ABCC1: variants seen among roughly 807,000 people sequenced by gnomAD.
The protein encoded by ABCC1 is ATP binding cassette subfamily C member 1 (ABCC1 blood group), also known as multidrug resistance-associated protein 1.
A neutral mutation model predicts 172.9 loss-of-function variants in ABCC1; 83 were observed. The ratio of observed to expected loss-of-function variants is 0.48; its 90% CI spans 0.40 to 0.58. ABCC1 has a LOEUF of 0.58. ABCC1 is among the 20% of genes least tolerant of loss of function. The probability of loss-of-function intolerance (pLI) is 0.00; values close to 1 mark genes in which losing one functional copy is unlikely to be tolerated. For missense variants in ABCC1, 1,817 were observed against 2,002.7 expected (o/e 0.91, Z 1.77); for synonymous variants, 937 against 825.2 (o/e 1.14, Z -2.32).
In ABCC1 at chr16:16,056,362, A is replaced by G; in HGVS notation, c.1677+67A>G. Reference sequence around the variant, plus strand: ...TTTTATTTTCTCTGCGTACCTGAATATTTTTAAAAGGTCACTATGTTGCCC... The same window carrying G: ...TTTTATTTTCTCTGCGTACCTGAATGTTTTTAAAAGGTCACTATGTTGCCC... On this transcript the variant is annotated intron_variant, in intron 12 of 30. Coordinates refer to ENST00000399410, the MANE Select transcript of ABCC1 (RefSeq NM_004996.4). The G allele has an allele frequency of 1.9e-6, 3 of 1,563,606 alleles. No individual in the cohort carries two copies. The South Asian group carries it at 3.4e-5, about 18-fold the overall frequency.
chr16:15,984,963 C>T (rs766038753), intron 1 of ABCC1, among the ~76,000 whole-genome samples: 2 of 151,750 alleles, frequency 1.3e-5, no homozygotes, highest in Non-Finnish European at 2.9e-5. Context: ...ATTGGCTGGG[C>T]GTGGTGGCAT....
intron 1 of ABCC1, among the ~76,000 whole-genome samples, chr16:15,982,234 C>A (rs1307396553): frequency 1.3e-5 from 2 of 152,118 alleles, no homozygotes; most frequent in Admixed American, 1.3e-4. Context: ...TACAGTAGCA[C>A]CCCACTCCCA....
intron 7 of ABCC1, among the ~76,000 whole-genome samples, chr16:16,042,179 T>G (rs2049002070): frequency 6.6e-6 from 1 of 151,674 alleles, no homozygotes; most frequent in South Asian, 2.1e-4. Flanking sequence ...GGCAGTTTTT[T>G]TTTTTTTTTT....
At chr16:15,951,420 A>AT (rs1026276806) in intron 1 of ABCC1, among the ~76,000 whole-genome samples, 1 of 151,248 alleles carries the variant, frequency 6.6e-6, no homozygotes, top group African/African-American at 2.4e-5. Flanking sequence ...TTTTCTTTTT[A>AT]TTTTTTCCTT....
intron 16 of ABCC1, 119 bp downstream of exon 16, chr16:16,079,597 T>C (rs2050725618): frequency 8.0e-7 from 1 of 1,253,682 alleles, no homozygotes; most frequent in African/African-American, 1.5e-5. Context: ...GCAACGTCTC[T>C]TTTCCTCCTC....
At chr16:16,005,678 C>T (rs995724868) in intron 1 of ABCC1, among the ~76,000 whole-genome samples, 35 of 152,232 alleles carry the variant, frequency 2.3e-4, no homozygotes, top group African/African-American at 7.9e-4. Flanking sequence ...TGCCAGAGAC[C>T]GGGCGTGGTG....
At position 16,052,705 on chromosome 16, in the gene ABCC1, G is replaced by T. The variant is rs781776844; in HGVS notation, c.1381-19G>T. 7 of 1,612,656 alleles carry T rather than the reference G, an allele frequency of 4.3e-6. No individual in the cohort carries two copies. The East Asian group carries it at 1.3e-4, about 31-fold the overall frequency. On this transcript the variant is annotated intron_variant, in intron 10 of 30. Transcript: ENST00000399410. ...TCTTCTGTCTGGTGAGTGATGAAGA[G>T]TCTCCTTTCCTTCCTTAGAATCTGG...
In ABCC1 at chr16:16,106,716, C is replaced by A; in HGVS notation, c.2736-22C>A. The A allele has an allele frequency of 2.5e-6, 4 of 1,613,804 alleles. No homozygotes were observed. The South Asian group carries it at 3.3e-5, about 13-fold the overall frequency. On this transcript the variant is annotated intron_variant, in intron 20 of 30. Transcript: ENST00000399410. ...GCCCAAGGCATCTGTACGGTTGACA[C>A]CCTTGTGCTTTGCTTCTCCAGACAG...
At chr16:16,116,278 A>T in intron 23 of ABCC1, among the ~76,000 whole-genome samples, 1 of 152,196 alleles carries the variant, frequency 6.6e-6, no homozygotes, top group African/African-American at 2.4e-5. Context: ...TATTTCAGTC[A>T]GTGAGATCAA....
At chr16:16,065,703 G>A (rs931155257) in intron 12 of ABCC1, among the ~76,000 whole-genome samples, 2 of 152,242 alleles carry the variant, frequency 1.3e-5, no homozygotes, top group East Asian at 1.9e-4. Flanking sequence ...AACATGCTGG[G>A]ATTACAGGCA....
rs150885815 is a variant in ABCC1, at chr16:16,124,337, G to GTGTGTGTGTGTGTGTGTGTGTA, written c.3591-440_3591-439insTGTGTGTGTATGTGTGTGTGTG. ...GCACTGTGTGTGTGTGTGTGTGTGT[G>GTGTGTGTGTGTGTGTGTGTGTA]TGTGTGTGTGTGATTATAGGAGTGA... On this transcript the variant is annotated intron_variant, in intron 24 of 30. Transcript: ENST00000399410. 6.1e-4 allele frequency among the ~76,000 whole-genome samples: 75 copies of GTGTGTGTGTGTGTGTGTGTGTA among 122,884 alleles called. 2 individuals carry two copies. The highest frequency in any genetic ancestry group is 1.8e-3 in the African/African-American group (55 of 30,956). 80.6% of individuals were successfully genotyped at this position (122,884 alleles called of 152,430 possible). A position where few individuals can be genotyped will look rare whatever the true frequency, so the allele number is the denominator to read the frequency against.
chr16:15,982,698 C>T (rs918785904), intron 1 of ABCC1, among the ~76,000 whole-genome samples: 4 of 143,556 alleles, frequency 2.8e-5, no homozygotes, highest in Non-Finnish European at 4.5e-5. Flanking sequence ...CCCAGCTACT[C>T]ATGAGGCTGA....
chr16:16,124,404 T>TGG (rs1596540516), intron 24 of ABCC1, among the ~76,000 whole-genome samples: 12 of 148,680 alleles, frequency 8.1e-5, no homozygotes, highest in Non-Finnish European at 1.2e-4. Context: ...TGTGTGTGTG[T>TGG]GTGTGTATGT....
At chr16:16,033,233 G>A (rs545714984) in intron 6 of ABCC1, 63 bp downstream of exon 6, 9 of 1,484,348 alleles carry the variant, frequency 6.1e-6, no homozygotes, top group Middle Eastern at 1.7e-4. Context: ...ATGAATGAAC[G>A]AATGAACATG....
At chr16:16,132,771 C>T (rs1056798219) in intron 27 of ABCC1, among the ~76,000 whole-genome samples, 1 of 151,664 alleles carries the variant, frequency 6.6e-6, no homozygotes, top group Non-Finnish European at 1.5e-5. Flanking sequence ...ATCCACCCGC[C>T]TCAGCCTCCC....
intron 23 of ABCC1, among the ~76,000 whole-genome samples, chr16:16,121,625 G>A (rs2045161818): frequency 6.6e-6 from 1 of 152,178 alleles, no homozygotes; most frequent in South Asian, 2.1e-4. Flanking sequence ...CCTTGGGGAG[G>A]AGATTAACTA....
At chr16:16,098,950 A>G (rs770089659) in intron 19 of ABCC1, 1 of 1,342,808 alleles carries the variant, frequency 7.4e-7, no homozygotes, top group Non-Finnish European at 9.9e-7. Context: ...GAATGAGGCC[A>G]GAGACGGGCC....
intron 1 of ABCC1, 108 bp downstream of exon 1, chr16:15,949,907 C>G: frequency 1.0e-6 from 1 of 989,532 alleles, no homozygotes; most frequent in Non-Finnish European, 1.3e-6. Context: ...GCTCTGCTGC[C>G]GGCCTCGGGG....
intron 20 of ABCC1, chr16:16,105,398 A>G (rs16967755): frequency 0.28 from 42,858 of 152,094 alleles, 6,337 homozygotes; most frequent in African/African-American, 0.38. Context: ...TCTTGCTTTC[A>G]GATTTGAGGG....
Sources: allele counts gnomAD v4.1 joint callset (sites outside exome capture counted in the v4.1 genomes callset), GRCh38; gene constraint gnomAD v4.1.1; transcripts MANE v1.5; gene names NCBI Gene and HGNC (gene_info 2026-07-23, HGNC 2026-07-21).